Variants in PSD3 observed in about 807,000 individuals in gnomAD.
PSD3 encodes the protein PH and SEC7 domain-containing protein 3.
In PSD3, 49 loss-of-function variants were observed where a neutral mutation model predicts 105.5. That is an observed-to-expected ratio of 0.46 (90% confidence interval 0.37 to 0.59). PSD3 has a LOEUF of 0.59. Among genes scored for constraint, PSD3 ranks in the 20% least tolerant of loss-of-function variants. PSD3 has a pLI of 0.00. For synonymous variants in PSD3, 557 were observed against 457.8 expected (o/e 1.22, Z -2.77); for missense variants, 1,561 against 1,263.8 (o/e 1.24, Z -3.57).
intron 1 of PSD3, among the ~76,000 whole-genome samples, chr8:18,955,025 C>T (rs115958365): frequency 0.01 from 1,588 of 152,284 alleles, 27 homozygotes; most frequent in African/African-American, 0.036. Context: ...TGCTAGTCAG[C>T]TTTCACTAGA....
intron 2 of PSD3, among the ~76,000 whole-genome samples, chr8:18,890,758 AT>A (rs1478361161): frequency 6.6e-6 from 1 of 151,272 alleles, no homozygotes; most frequent in Non-Finnish European, 1.5e-5. Flanking sequence ...ACTGAGTGTG[AT>A]CCCTCTCAGC....
chr8:18,561,195 T>C (rs1585243220), intron 14 of PSD3, among the ~76,000 whole-genome samples: 1 of 152,208 alleles, frequency 6.6e-6, no homozygotes, highest in East Asian at 1.9e-4. Context: ...GGCTGCAGCA[T>C]TATTCACAAT....
At chr8:18,949,238 AAAAAAAATATATATATATATATAT>A (rs1823063609) in intron 1 of PSD3, among the ~76,000 whole-genome samples, 2 of 43,814 alleles carry the variant, frequency 4.6e-5, no homozygotes, top group Admixed American at 5.1e-4. Context: ...AAAAAAAAAA[AAAAAAAATATATATATATATATAT>A]ATATATATAT....
intron 4 of PSD3, among the ~76,000 whole-genome samples, chr8:18,832,989 CTCTGGCATGGCAGT>C (rs1321818305): frequency 1.3e-5 from 2 of 152,134 alleles, no homozygotes; most frequent in Non-Finnish European, 2.9e-5. Flanking sequence ...CAGATATGCT[CTCTGGCATGGCAGT>C]TTGAGGTTAT....
chr8:19,046,929 C>T (rs569308223), intron 1 of PSD3, among the ~76,000 whole-genome samples: 2 of 152,330 alleles, frequency 1.3e-5, no homozygotes, highest in South Asian at 4.1e-4. Flanking sequence ...GAACACTTGT[C>T]TCTCATCAAG....
chr8:18,650,485 G>A (rs770371688), intron 10 of PSD3, among the ~76,000 whole-genome samples: 2 of 152,216 alleles, frequency 1.3e-5, no homozygotes, highest in Non-Finnish European at 2.9e-5. Flanking sequence ...AAGGCAAATG[G>A]TCATGGTCCT....
At chr8:18,639,793 C>T (rs1807512896) in intron 10 of PSD3, among the ~76,000 whole-genome samples, 2 of 152,150 alleles carry the variant, frequency 1.3e-5, no homozygotes, top group South Asian at 4.1e-4. Context: ...AATGGATATA[C>T]TTAGATGCTA....
intron 12 of PSD3, among the ~76,000 whole-genome samples, chr8:18,575,595 G>A (rs983792007): frequency 5.9e-5 from 9 of 152,012 alleles, no homozygotes; most frequent in Admixed American, 2.6e-4. Context: ...AATATCTATC[G>A]TACACATTTT....
chr8:18,720,247 A>G (rs1802873868), intron 9 of PSD3, among the ~76,000 whole-genome samples: 1 of 152,214 alleles, frequency 6.6e-6, no homozygotes, highest in Non-Finnish European at 1.5e-5. Flanking sequence ...TTTTATTAAA[A>G]TGGTCATTAA....
At chr8:18,838,667 G>A (rs1188910903) in intron 4 of PSD3, among the ~76,000 whole-genome samples, 5 of 151,754 alleles carry the variant, frequency 3.3e-5, no homozygotes, top group African/African-American at 4.8e-5. Context: ...CGGGCGTGGT[G>A]GCGGGCACCT....
chr8:18,826,043 T>C (rs1410531409), intron 4 of PSD3, among the ~76,000 whole-genome samples: 3 of 152,116 alleles, frequency 2.0e-5, no homozygotes, highest in African/African-American at 7.2e-5. Context: ...TGTAGGTGGG[T>C]ATCATCCAAA....
chr8:18,822,490 T>TA (rs1812826515), intron 4 of PSD3, among the ~76,000 whole-genome samples: 1 of 152,198 alleles, frequency 6.6e-6, no homozygotes, highest in Non-Finnish European at 1.5e-5. Flanking sequence ...GGTGCGAGAA[T>TA]AAAGTAGAAT....
At chr8:19,014,892 G>A (rs1181968043), upstream of PSD3, among the ~76,000 whole-genome samples, 1 of 152,192 alleles carries the variant, frequency 6.6e-6, no homozygotes, top group Non-Finnish European at 1.5e-5. The surrounding 1 kb of genome is among the most constrained non-coding windows in gnomAD (Gnocchi z 4.9). Context: ...CACCAGAGGA[G>A]CCAGCATGAG....
rs554318054 is a variant in PSD3 at position 18,536,081 on chromosome 8, C to T, written c.2929-123G>A. On this transcript the variant is annotated intron_variant, in intron 15 of 15. Transcript: ENST00000327040. Reference sequence around the variant, plus strand: ...CTGTTGAAGACTTCGCTTCATTTCCCAAACTGACAAATTACTTGGGCACTT... The same window carrying T: ...CTGTTGAAGACTTCGCTTCATTTCCTAAACTGACAAATTACTTGGGCACTT... The T allele has an allele frequency of 4.3e-5, 38 of 892,284 alleles. No homozygotes were observed. The Admixed American group carries it at 8.1e-4, about 19-fold the overall frequency. 55.3% of individuals were successfully genotyped at this position (892,284 alleles called of 1,614,324 possible).
chr8:18,773,602 T>A (rs180842938), intron 8 of PSD3, among the ~76,000 whole-genome samples: 1 of 152,180 alleles, frequency 6.6e-6, no homozygotes, highest in Non-Finnish European at 1.5e-5. Flanking sequence ...TTCCAGTCCA[T>A]GAACATGAAA....
chr8:19,001,375 T>C (rs949046535), intron 1 of PSD3, among the ~76,000 whole-genome samples: 2 of 151,240 alleles, frequency 1.3e-5, no homozygotes, highest in Admixed American at 6.6e-5. Context: ...GAGGAAATTT[T>C]CGATACACCT....
chr8:18,707,360 A>G (rs1801964629), intron 9 of PSD3, among the ~76,000 whole-genome samples: 6 of 152,218 alleles, frequency 3.9e-5, no homozygotes, highest in Non-Finnish European at 8.8e-5. Context: ...GCAACAGGTA[A>G]GTAGCAGATT....
chr8:18,589,685 G>A (rs758835617), intron 12 of PSD3, among the ~76,000 whole-genome samples: 4 of 152,238 alleles, frequency 2.6e-5, no homozygotes, highest in Non-Finnish European at 5.9e-5. Context: ...AGGGGTGGCA[G>A]GCACCAGATC....
intron 2 of PSD3, among the ~76,000 whole-genome samples, chr8:18,892,347 C>G (rs915171273): frequency 6.6e-6 from 1 of 151,792 alleles, no homozygotes; most frequent in South Asian, 2.1e-4. Flanking sequence ...CCTCAGCCTC[C>G]CGAGTAGCTG....
Sources: allele counts gnomAD v4.1 joint callset (sites outside exome capture counted in the v4.1 genomes callset), GRCh38; gene constraint gnomAD v4.1.1; non-coding constraint Gnocchi (gnomAD v3.1); transcripts MANE v1.5; gene names NCBI Gene and HGNC (gene_info 2026-07-23, HGNC 2026-07-21).